The following SHB variants were observed in gnomAD, a reference collection of about 807,000 sequenced individuals.
The protein encoded by SHB is SH2 domain-containing adapter protein B.
A neutral mutation model predicts 52.3 loss-of-function variants in SHB; 20 were observed. The ratio of observed to expected loss-of-function variants is 0.38; its 90% CI spans 0.27 to 0.56. The LOEUF is 0.56. Among genes scored for constraint, SHB ranks in the 20% least tolerant of loss-of-function variants. The probability of loss-of-function intolerance (pLI) is 0.71; values close to 1 mark genes in which losing one functional copy is unlikely to be tolerated. For missense variants in SHB, 825 were observed against 723.3 expected, an observed-to-expected ratio of 1.14 and a Z score of -1.61; for synonymous variants, 397 against 316.5, an observed-to-expected ratio of 1.25 and a Z score of -2.70.
chr9:38,060,456 T>C (rs992226888), intron 1 of SHB, among the ~76,000 whole-genome samples: 1 of 152,064 alleles, frequency 6.6e-6, no homozygotes, highest in Non-Finnish European at 1.5e-5. Flanking sequence ...CAGGAAGTGC[T>C]GGGATTACAG....
intron 4 of SHB, among the ~76,000 whole-genome samples, chr9:37,954,195 A>G (rs1358275734): frequency 6.6e-6 from 1 of 152,234 alleles, no homozygotes; most frequent in Non-Finnish European, 1.5e-5. Flanking sequence ...ACCGGCTGGG[A>G]GCACTCACAA....
intron 2 of SHB, among the ~76,000 whole-genome samples, chr9:38,013,072 G>A (rs912455492): frequency 7.2e-5 from 11 of 151,934 alleles, no homozygotes; most frequent in Non-Finnish European, 1.5e-4. Context: ...ATAATTTTGA[G>A]TCAAAGGGAG....
At chr9:37,987,026 C>T (rs1019635227) in intron 2 of SHB, among the ~76,000 whole-genome samples, 1 of 152,216 alleles carries the variant, frequency 6.6e-6, no homozygotes. Context: ...GCTTTCACGC[C>T]AGACCAGTCA....
intron 5 of SHB, among the ~76,000 whole-genome samples, chr9:37,947,164 G>A (rs141653153): frequency 6.6e-6 from 1 of 152,282 alleles, no homozygotes; most frequent in African/African-American, 2.4e-5. Flanking sequence ...GGCAGACAAC[G>A]AATTATGCAG....
At chr9:38,061,437 G>A (rs988226563) in intron 1 of SHB, among the ~76,000 whole-genome samples, 5 of 152,146 alleles carry the variant, frequency 3.3e-5, no homozygotes, top group African/African-American at 4.8e-5. Context: ...AAAGTCACAC[G>A]TCCCAGTTTA....
intron 1 of SHB, among the ~76,000 whole-genome samples, chr9:38,056,204 C>T (rs888746390): frequency 2.6e-5 from 4 of 152,036 alleles, no homozygotes; most frequent in Admixed American, 6.6e-5. Flanking sequence ...CAGACACACA[C>T]TAGCCATTTG....
chr9:38,032,547 G>A (rs1027694041), intron 1 of SHB, among the ~76,000 whole-genome samples: 2 of 152,206 alleles, frequency 1.3e-5, no homozygotes, highest in African/African-American at 4.8e-5. Context: ...GCTGAGTGCT[G>A]GAAGTCTCCC....
intron 1 of SHB, among the ~76,000 whole-genome samples, chr9:38,051,789 G>C (rs1271926128): frequency 6.6e-6 from 1 of 152,202 alleles, no homozygotes; most frequent in Non-Finnish European, 1.5e-5. Context: ...GCCGGTCAGA[G>C]TGGCCCTCTG....
intron 1 of SHB, among the ~76,000 whole-genome samples, chr9:38,031,785 T>C (rs958117547): frequency 1.3e-5 from 2 of 152,140 alleles, no homozygotes; most frequent in African/African-American, 2.4e-5. Context: ...TCCTTCCAAA[T>C]GCAAAGTCAT....
rs73455507 is a variant in SHB at position 37,928,869 on chromosome 9, A to G, written c.1347-8865T>C. 8.5e-3 allele frequency among the ~76,000 whole-genome samples: 1,300 copies of G among 152,358 alleles called. 17 individuals carry two copies. The highest frequency in any genetic ancestry group is 0.029 in the African/African-American group (1,214 of 41,580). ...CCCCCTAGTCCCACCTGAGCAGCAC[A>G]TGGTGGGAGATGTACCACATCTGAG... On this transcript the variant is annotated intron_variant, in intron 5 of 5. Coordinates refer to ENST00000377707, the MANE Select transcript of SHB (RefSeq NM_003028.3).
Position 38,068,210 on chromosome 9 carries a change from C to T in SHB, c.436G>A (p.Ala146Thr), listed in dbSNP as rs78289037. Reference protein sequence around the residue: ...AAGCCCASSGAGAAASSSSSS... With the variant: ...AAGCCCASSGTGAAASSSSSS... ...GAGGACGAGGACGCGGCGGCCCCCG[C>T]GCCCGAGGAGGCGCAGCAACAGCCC... The change falls in exon 1 of 6, where the codon GCG becomes ACG. Residue 146 changes from alanine (A) to threonine (T), a missense_variant. Transcript: ENST00000377707. 2.1e-3 allele frequency: 2,919 copies of T among 1,395,888 alleles called. 104 individuals carry two copies. In the Admixed American group the frequency reaches 0.068, roughly 33 times the overall value. 86.5% of individuals were successfully genotyped at this position (1,395,888 alleles called of 1,614,324 possible).
intron 1 of SHB, among the ~76,000 whole-genome samples, chr9:38,056,544 G>A (rs781009675): frequency 1.4e-4 from 22 of 152,140 alleles, no homozygotes; most frequent in Admixed American, 5.2e-4. Context: ...TGCTGCCCAG[G>A]CTGGTCTTGA....
chr9:37,948,709 C>T lies in SHB; in HGVS notation c.1272G>A (p.Leu424=). 6.2e-7 allele frequency: 1 copy of T among 1,613,970 alleles called. No individual in the cohort carries two copies. The highest frequency in any genetic ancestry group is 8.5e-7 in the Non-Finnish European group (1 of 1,180,010). The change falls in exon 5 of 6, where the codon CTG becomes CTA. Residue 424 remains leucine, a synonymous_variant. Coordinates refer to ENST00000377707, the MANE Select transcript of SHB (RefSeq NM_003028.3). The stretch of plus-strand genomic sequence containing the variant: ...GGTAGCTACACTCCTTGCAGAGTCG[C>T]AGCAGGTTCTCGGCGTCTCCTCTGC... The part of the protein sequence containing the change: ...AISRGDAENL[L]RLCKECSYLV...
At chr9:38,054,379 G>A (rs1821786030) in intron 1 of SHB, among the ~76,000 whole-genome samples, 1 of 152,218 alleles carries the variant, frequency 6.6e-6, no homozygotes. Context: ...ACTCCTGACA[G>A]CTCCTTTGCT....
At chr9:37,921,980 G>T (rs1293705625) in intron 5 of SHB, among the ~76,000 whole-genome samples, 1 of 152,260 alleles carries the variant, frequency 6.6e-6, no homozygotes, top group Admixed American at 6.5e-5. Flanking sequence ...AGCAGGGCTG[G>T]TAAGGAGGGG....
At chr9:37,931,729 C>T (rs1832312919) in intron 5 of SHB, among the ~76,000 whole-genome samples, 1 of 152,190 alleles carries the variant, frequency 6.6e-6, no homozygotes, top group Non-Finnish European at 1.5e-5. Flanking sequence ...ACCTAGCGAT[C>T]CCTTTTCTGG....
At chr9:37,958,700 T>C (rs1832661935) in intron 3 of SHB, among the ~76,000 whole-genome samples, 2 of 152,132 alleles carry the variant, frequency 1.3e-5, no homozygotes, top group South Asian at 4.1e-4. Flanking sequence ...GGGGCTTTTG[T>C]GATAGTGGCC....
chr9:38,006,034 A>G (rs1821072348), intron 2 of SHB, among the ~76,000 whole-genome samples: 1 of 151,168 alleles, frequency 6.6e-6, no homozygotes, highest in Non-Finnish European at 1.5e-5. Flanking sequence ...CTCAACTCTG[A>G]CTCCTCCCCA....
In SHB at chr9:38,034,479, C is replaced by T. The variant is rs147599720; in HGVS notation, c.718-18348G>A. On this transcript the variant is annotated intron_variant, in intron 1 of 5. Coordinates refer to ENST00000377707, the MANE Select transcript of SHB (RefSeq NM_003028.3). ...GTCCCCTGTGGCAGGGAGCTCACTA[C>T]CTCCCCAAATACTCTGTTATACTTT... Among the ~76,000 whole-genome samples the T allele has an allele frequency of 1.1e-4, 16 of 152,342 alleles. No individual in the cohort carries two copies. The East Asian group carries it at 3.1e-3, about 29-fold the overall frequency.
Sources: gnomAD v4.1 joint callset for allele counts (sites outside exome capture counted in the v4.1 genomes callset) on GRCh38, gnomAD v4.1.1 for gene constraint, MANE v1.5 for transcripts, NCBI Gene and HGNC (gene_info 2026-07-23, HGNC 2026-07-21) for gene names.